Variants in BIN2 observed in about 807,000 individuals in gnomAD.
The protein encoded by BIN2 is breast cancer associated protein BRAP1.
In BIN2, 43 loss-of-function variants were observed where a neutral mutation model predicts 67.9. That is an observed-to-expected ratio of 0.63 (90% CI 0.50 to 0.82). BIN2 has a LOEUF of 0.82. BIN2 is among the 40% of genes least tolerant of loss of function. The pLI, the probability that BIN2 is intolerant of heterozygous loss-of-function variation, is 0.00. For synonymous variants in BIN2, 244 were observed against 246.8 expected, an observed-to-expected ratio of 0.99 and a Z score of 0.11; for missense variants, 581 against 671.6, an observed-to-expected ratio of 0.87 and a Z score of 1.49.
intron 2 of BIN2, among the ~76,000 whole-genome samples, chr12:51,310,784 AGG>A (rs1406847590): frequency 2.0e-5 from 3 of 152,084 alleles, no homozygotes; most frequent in Non-Finnish European, 4.4e-5. Context: ...TTTTTGAGAT[AGG>A]GTCTCACTTT....
intron 12 of BIN2, 101 bp from the exon 13 acceptor site, chr12:51,281,629 G>T: frequency 8.2e-7 from 1 of 1,222,494 alleles, no homozygotes. Flanking sequence ...TATACTTCAT[G>T]TAATGCCACT....
rs1319737260 is a variant in BIN2, at chr12:51,313,220, A to AAGGAAGGCAGGC, written c.162+602_162+603insGCCTGCCTTCCT. On this transcript the variant is annotated intron_variant, in intron 2 of 12. Transcript: ENST00000615107. ...GAAGGAAGGAAGGAAGGAAGGAAGG[A>AAGGAAGGCAGGC]AGGCAGGAAGGCAGGCAGGCAGGCA... Among the ~76,000 whole-genome samples, 50 of 138,228 alleles carry AAGGAAGGCAGGC rather than the reference A, an allele frequency of 3.6e-4. 2 individuals carry two copies. Among genetic ancestry groups the AAGGAAGGCAGGC allele is most frequent in the South Asian group, 8.1e-4 (3 of 3,686 alleles). The allele number at this position is 138,228 out of a possible 152,430, so 90.7% of individuals were successfully genotyped here.
In BIN2 at chr12:51,305,445, G is replaced by A. The variant is rs191636291; in HGVS notation, c.163-2304C>T. On this transcript the variant is annotated intron_variant, in intron 2 of 12. Transcript: ENST00000615107. ...TCTAGACCAGCCTGACCAATGTGGT[G>A]AAACCCTGTCCCTACTAAAAATACA... 7.6e-3 allele frequency among the ~76,000 whole-genome samples: 1,162 copies of A among 152,090 alleles called. 11 individuals carry two copies. Among genetic ancestry groups the A allele is most frequent in the African/African-American group, 0.027 (1,121 of 41,488 alleles).
chr12:51,298,112 G>A (rs576966543), intron 7 of BIN2, among the ~76,000 whole-genome samples: 20 of 152,114 alleles, frequency 1.3e-4, no homozygotes, highest in Admixed American at 2.6e-4. Context: ...GGTGGCTCAC[G>A]CGTGTAATCC....
At chr12:51,311,458 C>G (rs1241633299) in intron 2 of BIN2, among the ~76,000 whole-genome samples, 1 of 152,160 alleles carries the variant, frequency 6.6e-6, no homozygotes, top group Non-Finnish European at 1.5e-5. Flanking sequence ...TAGCTCACTG[C>G]AGCCTGGAAT....
At chr12:51,294,403 C>G (rs1490999539) in intron 9 of BIN2, among the ~76,000 whole-genome samples, 1 of 152,026 alleles carries the variant, frequency 6.6e-6, no homozygotes, top group African/African-American at 2.4e-5. Context: ...CGCGTCTCTA[C>G]TAAAAATACA....
Position 51,281,518 on chromosome 12 carries a change from C to G in BIN2, c.1679G>C (p.Ser560Thr), listed in dbSNP as rs1337190371. 3.1e-6 allele frequency: 5 copies of G among 1,614,124 alleles called. No individual in the cohort carries two copies. The highest frequency in any genetic ancestry group is 1.6e-4 in the Middle Eastern group (1 of 6,062). Residue 560 changes from serine (S) to threonine (T), a missense_variant, in exon 13 of 13, where the codon AGT (serine) becomes ACT (threonine). By Grantham distance (58) the Ser-to-Thr change is moderately conservative. Transcript: ENST00000615107. ...TTCTCTTCAGAGTTGTGGATTTTCA[C>G]TTGTGGATACCTGGAAAGTAAACAT... ...APEPQEEVSTSENPQL is the reference protein window; with the variant it reads ...APEPQEEVSTTENPQL
At position 51,293,655 on chromosome 12, in the gene BIN2, C is replaced by T. The variant is rs559044970; in HGVS notation, c.762-1311G>A. On this transcript the variant is annotated intron_variant, in intron 9 of 12. Coordinates refer to ENST00000615107, the MANE Select transcript of BIN2 (RefSeq NM_016293.4). ...GATTTTTTTAAAAAAGGTCAACAACCCAATTGAAAAATGGGAAAACGATAT... is the reference window on the plus strand; with the variant it reads ...GATTTTTTTAAAAAAGGTCAACAACTCAATTGAAAAATGGGAAAACGATAT... Among the ~76,000 whole-genome samples the T allele has an allele frequency of 3.8e-4, 58 of 152,136 alleles. 1 individual carries two copies. The Middle Eastern group carries it at 0.01, about 27-fold the overall frequency.
chr12:51,310,604 A>G (rs1305735556), intron 2 of BIN2, among the ~76,000 whole-genome samples: 3 of 152,382 alleles, frequency 2.0e-5, no homozygotes, highest in East Asian at 3.9e-4. Flanking sequence ...GCAAAATCAT[A>G]TGCATGGAAG....
rs566706313 is a variant in BIN2, at chr12:51,306,639, A to G, written c.163-3498T>C. 3.3e-5 allele frequency among the ~76,000 whole-genome samples: 5 copies of G among 152,148 alleles called. No individual in the cohort carries two copies. The South Asian group carries it at 8.3e-4, about 25-fold the overall frequency. ...AGACTCTGTCTAAAAATCAAAACCA[A>G]TCAAGGAAGTGTCAGATGCTACAGA... On this transcript the variant is annotated intron_variant, in intron 2 of 12. Transcript: ENST00000615107.
intron 7 of BIN2, 113 bp downstream of exon 7, chr12:51,299,088 AGG>A (rs1491098216): frequency 3.7e-5 from 20 of 533,504 alleles, no homozygotes; most frequent in Non-Finnish European, 4.9e-5. Context: ...AAAAAAAAAA[AGG>A]GGGCGGGGCA....
In BIN2 at chr12:51,321,485, C is replaced by T. The variant is rs368424179; in HGVS notation, c.81+2537G>A. Among the ~76,000 whole-genome samples, 14 of 152,168 alleles carry T rather than the reference C, an allele frequency of 9.2e-5. No homozygotes were observed. In the East Asian group the frequency reaches 1.4e-3, roughly 15 times the overall value. ...CGCGATCTCGGCTCACGGCAACCTC[C>T]GCCTCCCAGGTTCAAGCGATTCTCC... On this transcript the variant is annotated intron_variant, in intron 1 of 12. Coordinates refer to ENST00000615107, the MANE Select transcript of BIN2 (RefSeq NM_016293.4).
At chr12:51,297,521 C>A (rs995749845) in intron 7 of BIN2, 1 of 170,128 alleles carries the variant, frequency 5.9e-6, no homozygotes, top group Middle Eastern at 2.8e-3. Context: ...GAGCCGAGAT[C>A]GTGCCACTGC....
At chr12:51,281,746 CAGG>C (rs1286530651) in intron 12 of BIN2, among the ~76,000 whole-genome samples, 1 of 152,046 alleles carries the variant, frequency 6.6e-6, no homozygotes, top group Admixed American at 6.6e-5. Flanking sequence ...TGATGATTCA[CAGG>C]AGAATTTCTT....
At chr12:51,317,320 A>C (rs2137441323) in intron 1 of BIN2, among the ~76,000 whole-genome samples, 1 of 152,310 alleles carries the variant, frequency 6.6e-6, no homozygotes, top group African/African-American at 2.4e-5. Context: ...CTGATCTAGG[A>C]GAGGATATAG....
Position 51,312,989 on chromosome 12 carries a change from T to A in BIN2, c.162+834A>T, listed in dbSNP as rs546936783. 3.3e-5 allele frequency among the ~76,000 whole-genome samples: 5 copies of A among 152,250 alleles called. No homozygotes were observed. The East Asian group carries it at 9.6e-4, about 29-fold the overall frequency. On this transcript the variant is annotated intron_variant, in intron 2 of 12. Coordinates refer to ENST00000615107, the MANE Select transcript of BIN2 (RefSeq NM_016293.4). ...GGCTCATGCCTGTAATCCCAGCACT[T>A]CGGGAGGCCAAGGTGGGTGGATCAT...
At chr12:51,316,303 T>A (rs949166070) in intron 1 of BIN2, among the ~76,000 whole-genome samples, 1 of 121,102 alleles carries the variant, frequency 8.3e-6, no homozygotes, top group South Asian at 2.6e-4. Flanking sequence ...GCTAACAGGG[T>A]AAAACCCCGT....
intron 1 of BIN2, among the ~76,000 whole-genome samples, chr12:51,317,393 C>T (rs1293043574): frequency 6.6e-6 from 1 of 152,178 alleles, no homozygotes; most frequent in Non-Finnish European, 1.5e-5. Context: ...AGGGGCTAGG[C>T]GCAGTGGCTC....
chr12:51,297,218 C>T, intron 7 of BIN2, 54 bp from the exon 8 acceptor site: 1 of 1,540,682 alleles, frequency 6.5e-7, no homozygotes, highest in Non-Finnish European at 9.0e-7. Flanking sequence ...GAAAGGAGTT[C>T]TTTGTTTGAA....
Sources: allele counts gnomAD v4.1 joint callset (sites outside exome capture counted in the v4.1 genomes callset), GRCh38; gene constraint gnomAD v4.1.1; transcripts MANE v1.5; gene names NCBI Gene and HGNC (gene_info 2026-07-23, HGNC 2026-07-21).